Variants in BRINP3 observed in about 807,000 individuals in gnomAD.
BRINP3 encodes BMP/retinoic acid-inducible neural-specific protein 3.
A neutral mutation model predicts 71.0 loss-of-function variants in BRINP3; 19 were observed. The observed-to-expected ratio is 0.27, with a 90% CI of 0.19 to 0.39. The LOEUF (loss-of-function observed/expected upper bound fraction) is 0.39. Ranked by LOEUF, BRINP3 falls within the 10% of genes least tolerant of loss-of-function variation. The probability of loss-of-function intolerance (pLI) is 1.00; values close to 1 mark genes in which losing one functional copy is unlikely to be tolerated. For synonymous variants in BRINP3, 380 were observed against 337.7 expected (o/e 1.13, Z -1.37); for missense variants, 959 against 940.8 (o/e 1.02, Z -0.25).
At chr1:190,275,356 A>G (rs1000909546) in intron 3 of BRINP3, among the ~76,000 whole-genome samples, 2 of 151,606 alleles carry the variant, frequency 1.3e-5, no homozygotes, top group African/African-American at 4.8e-5. Context: ...GATACTTTAA[A>G]CAGTGTTGTC....
At chr1:190,125,698 TAGCAATA>T (rs1460725120) in intron 7 of BRINP3, among the ~76,000 whole-genome samples, 21 of 152,132 alleles carry the variant, frequency 1.4e-4, no homozygotes, top group African/African-American at 5.1e-4. Flanking sequence ...TTCCTTTGCA[TAGCAATA>T]AACTTTTTAG....
chr1:190,254,779 G>C (rs1336701655), intron 4 of BRINP3, among the ~76,000 whole-genome samples: 1 of 152,088 alleles, frequency 6.6e-6, no homozygotes, highest in South Asian at 2.1e-4. Context: ...TCTCTTGCCT[G>C]ATTGCCCTGG....
At chr1:190,155,239 A>C (rs1478576974) in intron 7 of BRINP3, among the ~76,000 whole-genome samples, 2 of 152,010 alleles carry the variant, frequency 1.3e-5, no homozygotes, top group Non-Finnish European at 2.9e-5. Flanking sequence ...ATTCCATTAC[A>C]TCTCACTTTA....
At chr1:190,455,254 C>G (rs1404578272) in intron 1 of BRINP3, among the ~76,000 whole-genome samples, 3 of 151,932 alleles carry the variant, frequency 2.0e-5, no homozygotes, top group Non-Finnish European at 4.4e-5. Flanking sequence ...TGGACTGATG[C>G]AAATAAATAA....
At chr1:190,188,893 TCCAATTACAGGAG>T (rs1237258592) in intron 6 of BRINP3, among the ~76,000 whole-genome samples, 1 of 152,012 alleles carries the variant, frequency 6.6e-6, no homozygotes, top group African/African-American at 2.4e-5. Context: ...CCTGAGTAGC[TCCAATTACAGGAG>T]CTTCCCACAA....
At position 190,476,233 on chromosome 1, in the gene BRINP3, T is replaced by C. The variant is rs535196577; in HGVS notation, c.-51+1215A>G. On this transcript the variant is annotated intron_variant, in intron 1 of 7. Transcript: ENST00000367462. ...CGTCAGCCATCAATGACGACAAGAA[T>C]AGTTATTTCCCAGAAATTAAAAAAA... Among the ~76,000 whole-genome samples the C allele has an allele frequency of 7.4e-4, 94 of 127,748 alleles. No homozygotes were observed. In the Middle Eastern group the frequency reaches 0.025, roughly 34 times the overall value. The allele number at this position is 127,748 out of a possible 152,430, so 83.8% of individuals were successfully genotyped here. A position where few individuals can be genotyped will look rare whatever the true frequency, so the allele number is the denominator to read the frequency against.
chr1:190,255,489 A>G (rs192730744), intron 4 of BRINP3, among the ~76,000 whole-genome samples: 3 of 151,966 alleles, frequency 2.0e-5, no homozygotes, highest in East Asian at 1.9e-4. Flanking sequence ...CAGAGATTCA[A>G]CTTCTCCTGG....
intron 2 of BRINP3, among the ~76,000 whole-genome samples, chr1:190,343,093 GTT>G (rs942297744): frequency 1.7e-4 from 26 of 151,806 alleles, no homozygotes; most frequent in African/African-American, 6.3e-4. Flanking sequence ...ACAGGTTGAA[GTT>G]AAGATGAACA....
chr1:190,465,933 A>G (rs1275043686), intron 1 of BRINP3, among the ~76,000 whole-genome samples: 1 of 151,922 alleles, frequency 6.6e-6, no homozygotes, highest in Non-Finnish European at 1.5e-5. Flanking sequence ...TTAGGTGCAG[A>G]TATCAAGATT....
chr1:190,143,980 A>G (rs1373175418), intron 7 of BRINP3, among the ~76,000 whole-genome samples: 1 of 152,162 alleles, frequency 6.6e-6, no homozygotes, highest in Non-Finnish European at 1.5e-5. Context: ...AAGGAGCATG[A>G]TGTCTGGTTG....
chr1:190,099,402 C>T (rs553790318), intron 7 of BRINP3, among the ~76,000 whole-genome samples: 5 of 152,172 alleles, frequency 3.3e-5, no homozygotes, highest in Admixed American at 2.6e-4. Context: ...AACTGCAATA[C>T]ATTTCTAAAT....
At chr1:190,251,750 G>A (rs531385550) in intron 4 of BRINP3, among the ~76,000 whole-genome samples, 57 of 150,992 alleles carry the variant, frequency 3.8e-4, no homozygotes, top group Middle Eastern at 3.5e-3. Context: ...ATGCAAAGAT[G>A]TTTTTTGCAT....
intron 2 of BRINP3, among the ~76,000 whole-genome samples, chr1:190,295,089 A>T (rs988990242): frequency 3.3e-5 from 5 of 152,052 alleles, no homozygotes; most frequent in Non-Finnish European, 7.3e-5. Flanking sequence ...CTCTTTGACC[A>T]GCACAGTGTA....
At chr1:190,213,295 A>G (rs370128223) in intron 6 of BRINP3, among the ~76,000 whole-genome samples, 2 of 152,202 alleles carry the variant, frequency 1.3e-5, no homozygotes, top group East Asian at 1.9e-4. Context: ...TCCTGTAGTG[A>G]GAACACATAG....
intron 2 of BRINP3, among the ~76,000 whole-genome samples, chr1:190,401,120 T>C (rs555651005): frequency 6.6e-6 from 1 of 152,092 alleles, no homozygotes; most frequent in East Asian, 1.9e-4. Context: ...ACTTTGTGGG[T>C]GCCGAGGCAG....
At chr1:190,205,241 G>T (rs1008181003) in intron 6 of BRINP3, among the ~76,000 whole-genome samples, 4 of 150,374 alleles carry the variant, frequency 2.7e-5, no homozygotes, top group African/African-American at 9.8e-5. Flanking sequence ...ATCTCCTGAG[G>T]TCATTAGATG....
At chr1:190,383,155 G>T (rs1670658740) in intron 2 of BRINP3, among the ~76,000 whole-genome samples, 1 of 152,002 alleles carries the variant, frequency 6.6e-6, no homozygotes, top group Admixed American at 6.6e-5. Flanking sequence ...TGGGTGCTTT[G>T]TATGAGATCG....
chr1:190,272,895 C>T (rs1206104990), intron 3 of BRINP3, among the ~76,000 whole-genome samples: 3 of 151,272 alleles, frequency 2.0e-5, no homozygotes, highest in Non-Finnish European at 3.0e-5. Context: ...TGTTTAAAAC[C>T]CTTACTTACA....
At chr1:190,319,519 C>T (rs995198545) in intron 2 of BRINP3, among the ~76,000 whole-genome samples, 2 of 152,018 alleles carry the variant, frequency 1.3e-5, no homozygotes, top group Admixed American at 1.3e-4. Flanking sequence ...GTTTAATTGG[C>T]TCACTGTTCC....
Sources: allele counts gnomAD v4.1 joint callset (sites outside exome capture counted in the v4.1 genomes callset), GRCh38; gene constraint gnomAD v4.1.1; transcripts MANE v1.5; gene names NCBI Gene and HGNC (gene_info 2026-07-23, HGNC 2026-07-21).